BPTF: variants seen among roughly 807,000 people sequenced by gnomAD.
BPTF encodes nucleosome-remodeling factor subunit BPTF.
Under a neutral mutation model 292.5 loss-of-function variants are expected in BPTF, and 18 were observed. That is an observed-to-expected ratio of 0.06 (90% CI 0.04 to 0.09). The LOEUF is 0.09. BPTF is among the 10% of genes least tolerant of loss of function. The pLI, the probability that BPTF is intolerant of heterozygous loss-of-function variation, is 1.00. For missense variants in BPTF, 2,726 were observed against 3,498.7 expected, an observed-to-expected ratio of 0.78 and a Z score of 5.57; for synonymous variants, 1,225 against 1,251.9, an observed-to-expected ratio of 0.98 and a Z score of 0.45.
intron 17 of BPTF, among the ~76,000 whole-genome samples, chr17:67,931,137 C>T (rs962121669): frequency 6.6e-6 from 1 of 151,674 alleles, no homozygotes; most frequent in African/African-American, 2.4e-5. Context: ...TGGTGGCACA[C>T]GCCTGTGATC....
chr17:67,944,058 A>G (rs1555673154), intron 19 of BPTF, 92 bp from the exon 20 acceptor site: 1 of 942,574 alleles, frequency 1.1e-6, no homozygotes, highest in Non-Finnish European at 1.7e-6. Context: ...ATTATATTAA[A>G]AGATAATTAC....
chr17:67,924,496 C>T lies in BPTF; in HGVS notation c.5709-51C>T, dbSNP rs562174833. The stretch of plus-strand genomic sequence containing the variant: ...ACCAGATTTCACTCTTATTAGATGC[C>T]AGATGCCTAACAGGCTAGTTTCTGA... On this transcript the variant is annotated intron_variant, in intron 14 of 27. Coordinates refer to ENST00000306378, the MANE Select transcript of BPTF (RefSeq NM_182641.4). 9.6e-6 allele frequency: 15 copies of T among 1,555,344 alleles called. No homozygotes were observed. In the South Asian group the frequency reaches 1.6e-4, roughly 17 times the overall value.
rs144878560 is a variant in BPTF, at chr17:67,924,818, T to C, written c.5751+229T>C. On this transcript the variant is annotated intron_variant, in intron 15 of 27. Transcript: ENST00000306378. ...TGTCTTACTATCACCCAGGCTGGAG[T>C]AGATCACAGCTCACCGAGCCTCGAC... Among the ~76,000 whole-genome samples, 70 of 152,054 alleles carry C rather than the reference T, an allele frequency of 4.6e-4. No individual in the cohort carries two copies. The East Asian group carries it at 0.013, about 29-fold the overall frequency.
chr17:67,920,439 G>A (rs561173567), intron 13 of BPTF, among the ~76,000 whole-genome samples: 7 of 152,270 alleles, frequency 4.6e-5, no homozygotes, highest in South Asian at 2.1e-4. Context: ...CAGCCATCTC[G>A]TCTGTCTGGT....
At chr17:67,885,246 T>C (rs1188657483) in intron 4 of BPTF, among the ~76,000 whole-genome samples, 1 of 152,200 alleles carries the variant, frequency 6.6e-6, no homozygotes, top group African/African-American at 2.4e-5. Context: ...TATATGCTTT[T>C]AAGAACTATA....
intron 2 of BPTF, among the ~76,000 whole-genome samples, chr17:67,860,900 A>C (rs1384227032): frequency 6.6e-6 from 1 of 152,216 alleles, no homozygotes; most frequent in Non-Finnish European, 1.5e-5. Flanking sequence ...TTCCGAATCA[A>C]CTAAACTATG....
chr17:67,894,085 A>G lies in BPTF; in HGVS notation c.2463A>G (p.Ala821=), dbSNP rs768814391. The G allele has an allele frequency of 4.3e-6, 7 of 1,614,114 alleles. No homozygotes were observed. The highest frequency in any genetic ancestry group is 1.7e-4 in the Middle Eastern group (1 of 6,056). Residue 821 remains alanine (A), a synonymous_variant, in exon 7 of 28, where the codon GCA becomes GCG. Coordinates refer to ENST00000306378, the MANE Select transcript of BPTF (RefSeq NM_182641.4). ...VQMCSKPREF[A]LALAILECAV... is the part of the protein sequence containing the mutation. ...TGTGTAGCAAACCCAGAGAATTTGCATTGGCTTTAGCCATTTTGGAGTGTG... is the reference window on the plus strand; with the variant it reads ...TGTGTAGCAAACCCAGAGAATTTGCGTTGGCTTTAGCCATTTTGGAGTGTG...
chr17:67,908,345 GA>G (rs1422760874), intron 9 of BPTF, among the ~76,000 whole-genome samples: 1 of 152,006 alleles, frequency 6.6e-6, no homozygotes, highest in Non-Finnish European at 1.5e-5. Context: ...TTTTAGTAGA[GA>G]TGGGGTTTCA....
chr17:67,851,419 G>A (rs772136124), intron 1 of BPTF, among the ~76,000 whole-genome samples: 1 of 152,070 alleles, frequency 6.6e-6, no homozygotes, highest in Non-Finnish European at 1.5e-5. Context: ...GTTCAATTGA[G>A]TTCAGATTTA....
At chr17:67,838,787 A>G (rs900376499) in intron 1 of BPTF, among the ~76,000 whole-genome samples, 5 of 152,242 alleles carry the variant, frequency 3.3e-5, no homozygotes, top group Admixed American at 2.0e-4. Context: ...ATGTGTGCAT[A>G]CATACTTTTT....
intron 11 of BPTF, 151 bp from the exon 12 acceptor site, chr17:67,918,563 A>G: frequency 1.6e-6 from 1 of 606,604 alleles, no homozygotes; most frequent in South Asian, 4.4e-5. Flanking sequence ...AAGGACATAT[A>G]ATACCAAAGT....
Position 67,896,205 on chromosome 17 carries a change from G to A in BPTF, c.2543+2040G>A, listed in dbSNP as rs576348983. Among the ~76,000 whole-genome samples the A allele has an allele frequency of 1.7e-4, 26 of 152,092 alleles. 1 individual carries two copies. Among genetic ancestry groups the A allele is most frequent in the East Asian group, 1.2e-3 (6 of 5,174 alleles). On this transcript the variant is annotated intron_variant, in intron 7 of 27. Coordinates refer to ENST00000306378, the MANE Select transcript of BPTF (RefSeq NM_182641.4). ...TCTCCATCTCCTGACCTTGTGATCCGCCCGCCTTGGCCTCCCAAAGTGCTG... is the reference window on the plus strand; with the variant it reads ...TCTCCATCTCCTGACCTTGTGATCCACCCGCCTTGGCCTCCCAAAGTGCTG...
At chr17:67,860,870 T>G (rs2059035040) in intron 2 of BPTF, among the ~76,000 whole-genome samples, 1 of 152,196 alleles carries the variant, frequency 6.6e-6, no homozygotes, top group Non-Finnish European at 1.5e-5. Context: ...TAAACAGCAT[T>G]TTAAAAATCT....
Position 67,830,265 on chromosome 17 carries a change from T to C in BPTF, c.613+3928T>C, listed in dbSNP as rs189174028. ...CAGTCTTGTGTGAGACTTCTGAGAA[T>C]ACTTACCTGGAATTTTAAAACTTGG... On this transcript the variant is annotated intron_variant, in intron 1 of 27. Coordinates refer to ENST00000306378, the MANE Select transcript of BPTF (RefSeq NM_182641.4). 2.0e-5 allele frequency among the ~76,000 whole-genome samples: 3 copies of C among 152,350 alleles called. No individual in the cohort carries two copies. The East Asian group carries it at 5.8e-4, about 29-fold the overall frequency.
chr17:67,862,173 A>G (rs2059124241), intron 2 of BPTF, among the ~76,000 whole-genome samples: 1 of 152,068 alleles, frequency 6.6e-6, no homozygotes, highest in South Asian at 2.1e-4. Context: ...ATGGGGTTTC[A>G]CCATGTTGGC....
chr17:67,911,537 C>G lies in BPTF; in HGVS notation c.3653C>G (p.Ser1218Cys). Reference protein sequence around the residue: ...TKGNDFFIDDSKLASADDIGT... With the variant: ...TKGNDFFIDDCKLASADDIGT... ...GGAAATGATTTTTTCATCGATGACT[C>G]TAAACTAGCCAGTGCAGATGATATT... The change falls in exon 11 of 28, where the codon TCT becomes TGT. Residue 1218 changes from serine (S) to cysteine (C), a missense_variant. By Grantham distance (112) the Ser-to-Cys change is moderately radical. Coordinates refer to ENST00000306378, the MANE Select transcript of BPTF (RefSeq NM_182641.4). 1.9e-6 allele frequency: 3 copies of G among 1,613,880 alleles called. No individual in the cohort carries two copies. Among genetic ancestry groups the G allele is most frequent in the Non-Finnish European group, 2.5e-6 (3 of 1,179,972 alleles).
chr17:67,896,758 A>G (rs918819490), intron 7 of BPTF, among the ~76,000 whole-genome samples: 1 of 152,242 alleles, frequency 6.6e-6, no homozygotes, highest in African/African-American at 2.4e-5. Flanking sequence ...CTGGATGTTC[A>G]TGAAAGTACT....
chr17:67,843,282 G>A (rs1224362455), intron 1 of BPTF, among the ~76,000 whole-genome samples: 2 of 149,854 alleles, frequency 1.3e-5, no homozygotes, highest in African/African-American at 4.9e-5. Context: ...ATATAGATAT[G>A]TAGACATAGA....
chr17:67,840,065 A>G (rs913986195), intron 1 of BPTF, among the ~76,000 whole-genome samples: 6 of 144,460 alleles, frequency 4.2e-5, no homozygotes, highest in Non-Finnish European at 7.6e-5. Context: ...GCATCTTTTT[A>G]TTTGCCATCT....
Sources: gnomAD v4.1 joint callset for allele counts (sites outside exome capture counted in the v4.1 genomes callset) on GRCh38, gnomAD v4.1.1 for gene constraint, MANE v1.5 for transcripts, NCBI Gene and HGNC (gene_info 2026-07-23, HGNC 2026-07-21) for gene names.